Variants in EDIL3 observed in about 807,000 individuals in gnomAD.
EDIL3 encodes the protein EGF-like repeat and discoidin I-like domain-containing protein 3.
A neutral mutation model predicts 67.4 loss-of-function variants in EDIL3; 37 were observed. The ratio of observed to expected loss-of-function variants is 0.55; its 90% CI spans 0.42 to 0.72. EDIL3 has a LOEUF of 0.72. EDIL3 is among the 30% of genes least tolerant of loss of function. EDIL3 has a pLI of 0.00. For missense variants in EDIL3, 527 were observed against 586.3 expected, an observed-to-expected ratio of 0.90 and a Z score of 1.04; for synonymous variants, 195 against 196.3, an observed-to-expected ratio of 0.99 and a Z score of 0.05.
chr5:83,992,840 T>TA (rs1745173944), intron 9 of EDIL3, among the ~76,000 whole-genome samples: 1 of 151,856 alleles, frequency 6.6e-6, no homozygotes, highest in Non-Finnish European at 1.5e-5. Flanking sequence ...CATAGAGTTA[T>TA]TTTTATATAC....
chr5:84,141,951 AGATC>A (rs1748204800), intron 4 of EDIL3, among the ~76,000 whole-genome samples: 1 of 97,760 alleles, frequency 1.0e-5, no homozygotes, highest in African/African-American at 4.1e-5. Context: ...ATATATACAT[AGATC>A]TATCTATCTA....
intron 3 of EDIL3, among the ~76,000 whole-genome samples, chr5:84,226,886 A>G (rs1561227689): frequency 6.6e-6 from 1 of 152,014 alleles, no homozygotes; most frequent in Non-Finnish European, 1.5e-5. Flanking sequence ...GTTCAGTTGC[A>G]TTTCACAAAA....
intron 1 of EDIL3, among the ~76,000 whole-genome samples, chr5:84,356,594 A>G (rs920797836): frequency 6.6e-6 from 1 of 152,202 alleles, no homozygotes; most frequent in Non-Finnish European, 1.5e-5. Flanking sequence ...CATTGAGCCC[A>G]GCAGATAATC....
At chr5:84,299,242 A>G (rs1204207783) in intron 1 of EDIL3, among the ~76,000 whole-genome samples, 1 of 152,218 alleles carries the variant, frequency 6.6e-6, no homozygotes, top group Non-Finnish European at 1.5e-5. Context: ...ATTTTTTAAA[A>G]AAATGATATA....
At position 83,950,092 on chromosome 5, in the gene EDIL3, C is replaced by T. The variant is rs79802147; in HGVS notation, c.1294-6524G>A. On this transcript the variant is annotated intron_variant, in intron 10 of 10. Coordinates refer to ENST00000296591, the MANE Select transcript of EDIL3 (RefSeq NM_005711.5). The stretch of plus-strand genomic sequence containing the variant: ...CTGGGCTTACTGTCACGTAACATTG[C>T]TGAGAGAACTTACTACTCTCCAGAA... Among the ~76,000 whole-genome samples the T allele has an allele frequency of 4.7e-3, 707 of 151,918 alleles. 3 individuals are homozygous for T. Among genetic ancestry groups the T allele is most frequent in the Non-Finnish European group, 8.1e-3 (548 of 67,848 alleles).
intron 1 of EDIL3, among the ~76,000 whole-genome samples, chr5:84,377,172 G>A (rs1003238718): frequency 3.9e-5 from 6 of 151,968 alleles, no homozygotes; most frequent in Non-Finnish European, 8.8e-5. Context: ...TAAAAATACA[G>A]AAAAATTAGC....
At chr5:84,195,115 G>A (rs1214837861) in intron 3 of EDIL3, among the ~76,000 whole-genome samples, 1 of 151,774 alleles carries the variant, frequency 6.6e-6, no homozygotes, top group African/African-American at 2.4e-5. Context: ...CATCTGAATG[G>A]ACAAAAAAGC....
intron 1 of EDIL3, among the ~76,000 whole-genome samples, chr5:84,320,002 G>T (rs552285553): frequency 6.6e-6 from 1 of 152,020 alleles, no homozygotes; most frequent in Admixed American, 6.5e-5. Flanking sequence ...GGCCTGTCAG[G>T]GGGTGGGTGC....
chr5:84,219,009 T>C (rs1052384537), intron 3 of EDIL3, among the ~76,000 whole-genome samples: 1 of 152,144 alleles, frequency 6.6e-6, no homozygotes, highest in Non-Finnish European at 1.5e-5. Context: ...TTAGCAAACA[T>C]ACAAGGTAGC....
chr5:84,045,632 T>G (rs911726593), intron 9 of EDIL3, among the ~76,000 whole-genome samples: 7 of 152,108 alleles, frequency 4.6e-5, no homozygotes, highest in Non-Finnish European at 8.8e-5. Context: ...CAGAAAAGAA[T>G]TTTACCAAAG....
chr5:84,155,839 A>G (rs1748480903), intron 4 of EDIL3, among the ~76,000 whole-genome samples: 1 of 152,044 alleles, frequency 6.6e-6, no homozygotes, highest in Non-Finnish European at 1.5e-5. Flanking sequence ...CTCTTGCATC[A>G]TTTATTTATG....
At position 84,002,596 on chromosome 5, in the gene EDIL3, C is replaced by A. The variant is rs188532926; in HGVS notation, c.1138-39236G>T. ...ACAAATTCAGTAAAGTTGCAGGATG[C>A]AAAATCAACAAACAAAAATCAGTTG... On this transcript the variant is annotated intron_variant, in intron 9 of 10. Transcript: ENST00000296591. Among the ~76,000 whole-genome samples, 157 of 152,302 alleles carry A rather than the reference C, an allele frequency of 1.0e-3. No homozygotes were observed. The East Asian group carries it at 0.021, about 21-fold the overall frequency.
chr5:84,003,440 AG>A (rs1389236893), intron 9 of EDIL3, among the ~76,000 whole-genome samples: 2 of 152,178 alleles, frequency 1.3e-5, no homozygotes, highest in Non-Finnish European at 2.9e-5. Flanking sequence ...CTCAAGTGAG[AG>A]GGAAGCTCAC....
At chr5:84,130,402 A>C (rs1309923850) in intron 5 of EDIL3, among the ~76,000 whole-genome samples, 1 of 152,168 alleles carries the variant, frequency 6.6e-6, no homozygotes, top group Non-Finnish European at 1.5e-5. Flanking sequence ...AGTTACGCTA[A>C]GAAAAGCTCA....
chr5:84,125,644 A>G (rs1747856688), intron 5 of EDIL3, among the ~76,000 whole-genome samples: 1 of 152,044 alleles, frequency 6.6e-6, no homozygotes, highest in African/African-American at 2.4e-5. Flanking sequence ...CACTAAGTTA[A>G]CAGGCGGACA....
intron 6 of EDIL3, among the ~76,000 whole-genome samples, chr5:84,076,093 T>C (rs1219191331): frequency 6.6e-6 from 1 of 151,710 alleles, no homozygotes; most frequent in East Asian, 1.9e-4. Flanking sequence ...ATAATTATAT[T>C]GTTCAAAAAC....
intron 2 of EDIL3, among the ~76,000 whole-genome samples, chr5:84,235,799 T>C (rs555657510): frequency 6.6e-6 from 1 of 152,088 alleles, no homozygotes; most frequent in African/African-American, 2.4e-5. Context: ...TTATATATAG[T>C]TTCTATAGCT....
intron 4 of EDIL3, among the ~76,000 whole-genome samples, chr5:84,138,670 T>TA (rs978892562): frequency 6.6e-6 from 1 of 152,140 alleles, no homozygotes; most frequent in Admixed American, 6.5e-5. Flanking sequence ...TTGACATTTT[T>TA]TTTTTCTAAT....
chr5:84,223,366 C>T (rs1043814908), intron 3 of EDIL3, among the ~76,000 whole-genome samples: 1 of 151,566 alleles, frequency 6.6e-6, no homozygotes, highest in African/African-American at 2.4e-5. Flanking sequence ...TTTACAGGAA[C>T]CAACTTTTAA....
Sources: gnomAD v4.1 joint callset for allele counts (sites outside exome capture counted in the v4.1 genomes callset) on GRCh38, gnomAD v4.1.1 for gene constraint, MANE v1.5 for transcripts, NCBI Gene and HGNC (gene_info 2026-07-23, HGNC 2026-07-21) for gene names.